The following THUMPD2 variants were observed in gnomAD, a reference collection of about 807,000 sequenced individuals.
THUMPD2 encodes THUMP domain 2 tRNA and snRNA guanosine methyltransferase, also known as U6 snRNA (guanine-N(2))-methyltransferase THUMPD2.
THUMPD2 carries 56 observed loss-of-function variants against 49.4 expected under a neutral mutation model. The observed-to-expected ratio is 1.13, with a 90% confidence interval of 0.91 to 1.41. The LOEUF is 1.41. Ranked by LOEUF, THUMPD2 falls within the 40% of genes most tolerant of loss-of-function variation. THUMPD2 has a pLI of 0.00. For synonymous variants in THUMPD2, 237 were observed against 205.2 expected (o/e 1.15, Z -1.32); for missense variants, 709 against 594.5 (o/e 1.19, Z -2.00).
chr2:39,770,141 G>C (rs376102657), intron 2 of THUMPD2, 22 bp from the exon 3 acceptor site: 1 of 1,437,624 alleles, frequency 7.0e-7, no homozygotes, highest in Non-Finnish European at 9.1e-7. Context: ...AAATCTTGTT[G>C]ATCCTCTATT....
intron 1 of THUMPD2, among the ~76,000 whole-genome samples, chr2:39,774,169 G>A (rs2148351399): frequency 6.6e-6 from 1 of 152,338 alleles, no homozygotes; most frequent in South Asian, 2.1e-4. Context: ...CCCGCCTTGT[G>A]CCCTGAGCTG....
chr2:39,779,011 G>A (rs1054151625), intron 1 of THUMPD2, 103 bp downstream of exon 1: 5 of 1,329,806 alleles, frequency 3.8e-6, no homozygotes, highest in African/African-American at 3.1e-5. Flanking sequence ...GCGTGGAACA[G>A]AGAGGGGCGC....
chr2:39,756,094 A>G (rs1676080337), intron 6 of THUMPD2, 134 bp from the exon 7 acceptor site: 3 of 771,558 alleles, frequency 3.9e-6, no homozygotes, highest in African/African-American at 1.8e-5. Context: ...GAAGGGACAG[A>G]TGGGTTCAGG....
At chr2:39,769,101 G>C (rs1371500452) in intron 3 of THUMPD2, 5 of 1,303,376 alleles carry the variant, frequency 3.8e-6, no homozygotes, top group Non-Finnish European at 5.1e-6. Flanking sequence ...GACCTGTGCA[G>C]AGTAGCCACT....
At chr2:39,754,457 C>T (rs1342365726) in intron 8 of THUMPD2, among the ~76,000 whole-genome samples, 1 of 152,068 alleles carries the variant, frequency 6.6e-6, no homozygotes, top group African/African-American at 2.4e-5. Flanking sequence ...ACTACTTTTC[C>T]ACTACAATAA....
intron 2 of THUMPD2, among the ~76,000 whole-genome samples, chr2:39,770,856 G>A (rs889225413): frequency 2.0e-5 from 3 of 151,988 alleles, no homozygotes; most frequent in African/African-American, 7.2e-5. Flanking sequence ...TTTATTATAG[G>A]CTATAAATAC....
In THUMPD2 at chr2:39,769,748, G is replaced by A. The variant is rs368028198; in HGVS notation, c.634C>T (p.Arg212Cys). The change falls in exon 3 of 10, where the codon CGC becomes TGC. Residue 212 changes from arginine (R) to cysteine (C), a missense_variant. Transcript: ENST00000505747. ...GCCTTTCCAATAGTTCCACTGCAGC[G>A]ACAAGATACTCTGAAAGTCAAGTCA... The part of the protein sequence containing the change: ...QNDLTFRVSC[R>C]CSGTIGKAFT... 8.8e-6 allele frequency: 14 copies of A among 1,585,612 alleles called. No individual in the cohort carries two copies. The highest frequency in any genetic ancestry group is 5.7e-5 in the Admixed American group (3 of 52,954).
intron 8 of THUMPD2, 105 bp downstream of exon 8, chr2:39,755,190 A>C: frequency 1.5e-6 from 1 of 677,446 alleles, no homozygotes; most frequent in Non-Finnish European, 2.4e-6. Context: ...AGATATATTA[A>C]AGGGTAAAAC....
At chr2:39,774,751 A>G (rs1280029633) in intron 1 of THUMPD2, among the ~76,000 whole-genome samples, 1 of 152,132 alleles carries the variant, frequency 6.6e-6, no homozygotes, top group Non-Finnish European at 1.5e-5. Flanking sequence ...GGCATTTGGA[A>G]TATTTCATTC....
rs555312851 is a variant in THUMPD2, at chr2:39,744,648, T to C, written c.1079-170A>G. ...GATCCCAAAATGCTTTCACAATCAC[T>C]AATGATAAATGATAGTTATTGTATT... On this transcript the variant is annotated intron_variant, in intron 8 of 9. Coordinates refer to ENST00000505747, the MANE Select transcript of THUMPD2 (RefSeq NM_025264.5). 65 of 459,556 alleles carry C rather than the reference T, an allele frequency of 1.4e-4. No homozygotes were observed. The East Asian group carries it at 2.3e-3, about 16-fold the overall frequency. 28.5% of individuals were successfully genotyped at this position (459,556 alleles called of 1,614,324 possible). A position where few individuals can be genotyped will look rare whatever the true frequency, so the allele number is the denominator to read the frequency against.
chr2:39,765,650 G>A (rs1007800060), intron 5 of THUMPD2, among the ~76,000 whole-genome samples: 4 of 151,018 alleles, frequency 2.6e-5, no homozygotes, highest in Non-Finnish European at 4.4e-5. Flanking sequence ...CCATCTTTTC[G>A]TTTTCTCCAC....
At chr2:39,751,582 T>G (rs1470243360) in intron 8 of THUMPD2, among the ~76,000 whole-genome samples, 1 of 152,154 alleles carries the variant, frequency 6.6e-6, no homozygotes, top group Non-Finnish European at 1.5e-5. Context: ...AATGACTAAT[T>G]GCTATTTCCT....
intron 8 of THUMPD2, among the ~76,000 whole-genome samples, chr2:39,750,812 T>C (rs144453162): frequency 6.6e-6 from 1 of 152,356 alleles, no homozygotes. Context: ...CGCCATGGCC[T>C]TCACAGTAGG....
At chr2:39,756,423 A>C (rs1353264854) in intron 6 of THUMPD2, among the ~76,000 whole-genome samples, 1 of 151,622 alleles carries the variant, frequency 6.6e-6, no homozygotes, top group Non-Finnish European at 1.5e-5. Flanking sequence ...CAATGAGCAG[A>C]GATCGCGCCC....
At chr2:39,753,525 A>G (rs1174258938) in intron 8 of THUMPD2, among the ~76,000 whole-genome samples, 1 of 152,298 alleles carries the variant, frequency 6.6e-6, no homozygotes, top group East Asian at 1.9e-4. Flanking sequence ...GTGATCCCCT[A>G]AACTCCAGAT....
chr2:39,761,024 A>T (rs1176097176), intron 6 of THUMPD2, among the ~76,000 whole-genome samples: 4 of 152,168 alleles, frequency 2.6e-5, no homozygotes, highest in African/African-American at 9.7e-5. Flanking sequence ...GGTCACAGAC[A>T]AAAACTTTAA....
At chr2:39,767,381 G>T (rs576081277) in intron 4 of THUMPD2, among the ~76,000 whole-genome samples, 5 of 151,780 alleles carry the variant, frequency 3.3e-5, no homozygotes, top group African/African-American at 9.7e-5. Context: ...GAGGCGGGCG[G>T]ATCACGAGGT....
chr2:39,768,552 G>C (rs2148327977), intron 3 of THUMPD2, 51 bp from the exon 4 acceptor site: 1 of 1,476,970 alleles, frequency 6.8e-7, no homozygotes, highest in Non-Finnish European at 9.4e-7. Context: ...AAAATTTTAA[G>C]TTTAAATGTC....
chr2:39,749,830 A>C (rs1675155302), intron 8 of THUMPD2, among the ~76,000 whole-genome samples: 1 of 151,668 alleles, frequency 6.6e-6, no homozygotes, highest in Admixed American at 6.6e-5. Flanking sequence ...GCTCCCACTT[A>C]TAAGTGAAAA....
Sources: allele counts gnomAD v4.1 joint callset (sites outside exome capture counted in the v4.1 genomes callset), GRCh38; gene constraint gnomAD v4.1.1; transcripts MANE v1.5; gene names NCBI Gene and HGNC (gene_info 2026-07-23, HGNC 2026-07-21).